The following AS3MT variants were observed in gnomAD, a reference collection of about 807,000 sequenced individuals.
AS3MT encodes S-adenosyl-L-methionine:arsenic(III) methyltransferase.
Under a neutral mutation model 45.3 loss-of-function variants are expected in AS3MT, and 47 were observed. The observed-to-expected ratio is 1.04, with a 90% CI of 0.82 to 1.32. The LOEUF is 1.32. Ranked by LOEUF, AS3MT falls within the 40% of genes most tolerant of loss-of-function variation. The probability of loss-of-function intolerance (pLI) is 0.00; values close to 1 mark genes in which losing one functional copy is unlikely to be tolerated. For synonymous variants in AS3MT, 141 were observed against 152.8 expected, an observed-to-expected ratio of 0.92 and a Z score of 0.57; for missense variants, 396 against 451.1, an observed-to-expected ratio of 0.88 and a Z score of 1.11.
chr10:102,878,728 A>G (rs1844826601), intron 8 of AS3MT, 121 bp from the exon 9 acceptor site: 4 of 1,381,462 alleles, frequency 2.9e-6, no homozygotes, highest in South Asian at 2.9e-5. Context: ...GTGCTCAGAA[A>G]GATAACTGAT....
At chr10:102,897,364 A>G (rs1372993014) in intron 10 of AS3MT, among the ~76,000 whole-genome samples, 1 of 146,026 alleles carries the variant, frequency 6.8e-6, no homozygotes, top group Non-Finnish European at 1.5e-5. Flanking sequence ...AGCCTGGGCG[A>G]CAGAGTGAGG....
intron 6 of AS3MT, among the ~76,000 whole-genome samples, chr10:102,876,569 T>C (rs1844787933): frequency 2.0e-5 from 3 of 152,168 alleles, no homozygotes; most frequent in Non-Finnish European, 4.4e-5. Flanking sequence ...TGAGCCATCA[T>C]ACCTGGCAAA....
At chr10:102,876,650 C>A (rs1371381090) in intron 6 of AS3MT, among the ~76,000 whole-genome samples, 1 of 152,056 alleles carries the variant, frequency 6.6e-6, no homozygotes, top group Non-Finnish European at 1.5e-5. Context: ...TGACCTGGGG[C>A]TGCTTTTGGT....
At position 102,878,979 on chromosome 10, in the gene AS3MT, T is replaced by C; in HGVS notation, c.873T>C (p.Asn291=). The change falls in exon 9 of 11, where the codon AAT becomes AAC. Residue 291 remains asparagine (N), a synonymous_variant. Transcript: ENST00000369880. ...AAAAAGAACTAATGTTTGATGCCAA[T>C]TTTACATTTAAGGTAAATAAAACAA... ...GHEKELMFDA[N]FTFKEGEIVE... 6.2e-7 allele frequency: 1 copy of C among 1,611,582 alleles called. No homozygotes were observed. The highest frequency in any genetic ancestry group is 8.5e-7 in the Non-Finnish European group (1 of 1,178,906).
At chr10:102,879,094 GGTTT>G (rs1249465805) in intron 9 of AS3MT, 103 bp downstream of exon 9, 3 of 1,324,338 alleles carry the variant, frequency 2.3e-6, no homozygotes, top group Non-Finnish European at 3.1e-6. Flanking sequence ...TTCTGGTGTT[GGTTT>G]GTTTGTGTGT....
At chr10:102,896,883 T>C (rs1845182320) in intron 10 of AS3MT, among the ~76,000 whole-genome samples, 1 of 152,120 alleles carries the variant, frequency 6.6e-6, no homozygotes, top group African/African-American at 2.4e-5. Flanking sequence ...CTGACTCTTC[T>C]GTTGTTCGAA....
At chr10:102,889,607 T>TGCCTGCCTGCCTGCCTGCCTGC (rs1845025073) in intron 9 of AS3MT, among the ~76,000 whole-genome samples, 3 of 123,588 alleles carry the variant, frequency 2.4e-5, no homozygotes, top group Non-Finnish European at 5.1e-5. Context: ...CCCCTGCCTG[T>TGCCTGCCTGCCTGCCTGCCTGC]CTGCCTGCCT....
intron 1 of AS3MT, 52 bp from the exon 2 acceptor site, chr10:102,869,753 T>C (rs1844644910): frequency 2.8e-5 from 45 of 1,613,500 alleles, no homozygotes; most frequent in Non-Finnish European, 3.8e-5. Context: ...CCCTCCCTCA[T>C]GCCCGTCCCT....
At chr10:102,894,898 C>CCAAT (rs1322349810) in intron 10 of AS3MT, among the ~76,000 whole-genome samples, 1 of 152,182 alleles carries the variant, frequency 6.6e-6, no homozygotes, top group Non-Finnish European at 1.5e-5. Context: ...CTGGTCTGAA[C>CCAAT]CAATGTACAT....
intron 9 of AS3MT, among the ~76,000 whole-genome samples, chr10:102,889,681 C>G (rs1480168603): frequency 7.1e-6 from 1 of 141,626 alleles, no homozygotes; most frequent in Non-Finnish European, 1.6e-5. Flanking sequence ...CCCTCCACCC[C>G]CCCCGCCCCT....
chr10:102,872,574 T>A lies in AS3MT; in HGVS notation c.297T>A (p.Thr99=). 1.2e-6 allele frequency: 2 copies of A among 1,613,776 alleles called. No homozygotes were observed. The highest frequency in any genetic ancestry group is 1.7e-4 in the Middle Eastern group (1 of 6,056). The change falls in exon 4 of 11, where the codon ACT becomes ACA. Residue 99 remains threonine, a synonymous_variant. Coordinates refer to ENST00000369880, the MANE Select transcript of AS3MT (RefSeq NM_020682.4). ...TGGTTGGTGAAAAAGGACACGTGAC[T>A]GGAATAGACATGACCAAAGGCCAGG... ...SQLVGEKGHV[T]GIDMTKGQVE...
At position 102,901,689 on chromosome 10, in the gene AS3MT, G is replaced by C. The variant is rs1269789626; in HGVS notation, c.*989G>C. The C allele has an allele frequency of 6.6e-6, 1 of 152,116 alleles. No homozygotes were observed. The highest frequency in any genetic ancestry group is 1.5e-5 in the Non-Finnish European group (1 of 68,050). 9.4% of individuals were successfully genotyped at this position (152,116 alleles called of 1,614,324 possible). A position where few individuals can be genotyped will look rare whatever the true frequency, so the allele number is the denominator to read the frequency against. On this transcript the variant is annotated 3_prime_UTR_variant, in exon 11 of 11. Transcript: ENST00000369880. ...AGTAACAGTTGGCAGAGGGTCTCAG[G>C]AAAAACATCTTCCTTCTGATCTTTT...
chr10:102,870,582 C>A (rs1334461239), intron 3 of AS3MT, among the ~76,000 whole-genome samples: 1 of 152,098 alleles, frequency 6.6e-6, no homozygotes, highest in Non-Finnish European at 1.5e-5. Context: ...AAAAAAAGAA[C>A]CTCCAGCGTG....
chr10:102,885,910 G>T (rs1457804602), intron 9 of AS3MT, among the ~76,000 whole-genome samples: 1 of 151,476 alleles, frequency 6.6e-6, no homozygotes, highest in Non-Finnish European at 1.5e-5. Context: ...CAGGTGATCC[G>T]CCTGCCTCGG....
intron 9 of AS3MT, among the ~76,000 whole-genome samples, chr10:102,885,476 G>A (rs1187472732): frequency 7.8e-6 from 1 of 128,370 alleles, no homozygotes; most frequent in South Asian, 2.5e-4. Context: ...CTACAGGCGC[G>A]TGCCACCACA....
rs1845267450 is a variant in AS3MT, at chr10:102,901,343, AC to A, written c.*645del. 2 of 151,664 alleles carry A rather than the reference AC, an allele frequency of 1.3e-5. No individual in the cohort carries two copies. The highest frequency in any genetic ancestry group is 4.2e-4 in the South Asian group (2 of 4,804). 9.4% of individuals were successfully genotyped at this position (151,664 alleles called of 1,614,324 possible). On this transcript the variant is annotated 3_prime_UTR_variant, in exon 11 of 11. Transcript: ENST00000369880. ...CAAGTAGCTGGGACTACAGGCACCT[AC>A]CACCATGCCCAGCTAATTTTTTGTA...
rs773108611 is a variant in AS3MT, at chr10:102,869,540, TCGCAGGCCGAGGAGACAGTGAGTGCGCGC to T, written c.-51_-23del. 9,076 of 1,539,112 alleles carry T rather than the reference TCGCAGGCCGAGGAGACAGTGAGTGCGCGC, an allele frequency of 5.9e-3. 103 individuals carry two copies. The highest frequency in any genetic ancestry group is 0.025 in the Admixed American group (1,257 of 50,502). On this transcript the variant is annotated 5_prime_UTR_variant, in exon 1 of 11. Transcript: ENST00000369880. ...GGAGACAGTGAGTGCGCGCCCTGAG[TCGCAGGCCGAGGAGACAGTGAGTGCGCGC>T]CCTGAGTCGCAGGCCGAGGAGACAG... is the stretch of plus-strand genomic sequence containing the variant.
Position 102,878,830 on chromosome 10 carries a change from G to A in AS3MT, c.743-19G>A. ...TGGGGGAGTGCTGGAGATGAACCGT[G>A]AATAAATTCTATTTTTAGGTGACTG... On this transcript the variant is annotated intron_variant, in intron 8 of 10. Coordinates refer to ENST00000369880, the MANE Select transcript of AS3MT (RefSeq NM_020682.4). 1 of 1,609,820 alleles carries A rather than the reference G, an allele frequency of 6.2e-7. No homozygotes were observed. Among genetic ancestry groups the A allele is most frequent in the Non-Finnish European group, 8.5e-7 (1 of 1,178,140 alleles).
intron 6 of AS3MT, among the ~76,000 whole-genome samples, chr10:102,876,534 T>C (rs1431856439): frequency 6.6e-6 from 1 of 152,098 alleles, no homozygotes; most frequent in East Asian, 1.9e-4. Context: ...CACTTCGGCC[T>C]CCTGAGTCAT....
Sources: allele counts gnomAD v4.1 joint callset (sites outside exome capture counted in the v4.1 genomes callset), GRCh38; gene constraint gnomAD v4.1.1; transcripts MANE v1.5; gene names NCBI Gene and HGNC (gene_info 2026-07-23, HGNC 2026-07-21).